JPH2: variants seen among roughly 807,000 people sequenced by gnomAD.
JPH2 encodes the protein junctophilin 2.
JPH2 carries 38 observed loss-of-function variants against 55.9 expected under a neutral mutation model. That is an observed-to-expected ratio of 0.68 (90% CI 0.52 to 0.89). The LOEUF (loss-of-function observed/expected upper bound fraction) is 0.89. Among genes scored for constraint, JPH2 ranks in the 40% least tolerant of loss-of-function variants. JPH2 has a pLI of 0.00. For missense variants in JPH2, 964 were observed against 1,037.6 expected (o/e 0.93, Z 0.97); for synonymous variants, 480 against 472.4 (o/e 1.02, Z -0.21).
chr20:44,160,295 C>A lies in JPH2; in HGVS notation c.492G>T (p.Ser164=). The A allele has an allele frequency of 6.5e-7, 1 of 1,543,368 alleles. No individual in the cohort carries two copies. The highest frequency in any genetic ancestry group is 8.7e-7 in the Non-Finnish European group (1 of 1,146,238). The change falls in exon 2 of 6, where the codon TCG becomes TCT. Residue 164 remains serine, a synonymous_variant. Coordinates refer to ENST00000372980, the MANE Select transcript of JPH2 (RefSeq NM_020433.5). The surrounding 1 kb of genome is among the most constrained non-coding windows in gnomAD (Gnocchi z 4.9). ...VVRSPLRTSL[S]SLRSEHSNGT... ...CGTTGCTGTGCTCGCTGCGCAGGGA[C>A]GACAGCGACGTGCGCAGCGGCGAGC...
At chr20:44,148,959 C>G (rs185901212) in intron 2 of JPH2, among the ~76,000 whole-genome samples, 1 of 151,972 alleles carries the variant, frequency 6.6e-6, no homozygotes, top group African/African-American at 2.4e-5. Flanking sequence ...CCCAGCTACT[C>G]GGGAGGCTGA....
At chr20:44,142,192 G>A (rs146783569) in intron 2 of JPH2, among the ~76,000 whole-genome samples, 385 of 152,246 alleles carry the variant, frequency 2.5e-3, no homozygotes, top group Non-Finnish European at 3.4e-3. Context: ...CAAGGCCCCC[G>A]AAGCCACCAC....
At chr20:44,139,631 A>G in intron 2 of JPH2, among the ~76,000 whole-genome samples, 1 of 152,244 alleles carries the variant, frequency 6.6e-6, no homozygotes, top group Admixed American at 6.5e-5. Flanking sequence ...AAAGAGAAGA[A>G]CAGGAATCTA....
intron 1 of JPH2, among the ~76,000 whole-genome samples, chr20:44,162,108 G>T (rs917369837): frequency 3.3e-5 from 5 of 152,094 alleles, no homozygotes; most frequent in Non-Finnish European, 7.3e-5. Context: ...AACGTTCACT[G>T]CACCGAAGGC....
At chr20:44,177,387 A>G (rs2072743146) in intron 1 of JPH2, 1 of 987,564 alleles carries the variant, frequency 1.0e-6, no homozygotes. Context: ...GGAAACAAGC[A>G]AGCTCGATGA....
rs1228982207 is a variant in JPH2 at position 44,160,316 on chromosome 20, C to T, written c.471G>A (p.Ser157=). The T allele has an allele frequency of 5.1e-6, 8 of 1,561,410 alleles. No individual in the cohort carries two copies. The South Asian group carries it at 5.9e-5, about 11-fold the overall frequency. The change falls in exon 2 of 6, where the codon TCG becomes TCA. Residue 157 remains serine (S), a synonymous_variant. Coordinates refer to ENST00000372980, the MANE Select transcript of JPH2 (RefSeq NM_020433.5). The surrounding 1 kb of genome is among the most constrained non-coding windows in gnomAD (Gnocchi z 4.9). ...GGGACGACAGCGACGTGCGCAGCGG[C>T]GAGCGCACCACCACGGCCATCCCGT... ...VPYGMAVVVR[S]PLRTSLSSLR... is the part of the protein sequence containing the mutation.
intron 1 of JPH2, among the ~76,000 whole-genome samples, chr20:44,173,878 A>C (rs1352931920): frequency 6.6e-6 from 1 of 152,154 alleles, no homozygotes; most frequent in Non-Finnish European, 1.5e-5. Flanking sequence ...GTACCACTGC[A>C]CTCCAGCCTG....
At position 44,172,398 on chromosome 20, in the gene JPH2, C is replaced by G. The variant is rs572034661; in HGVS notation, c.380-11991G>C. Among the ~76,000 whole-genome samples the G allele has an allele frequency of 5.9e-5, 9 of 152,300 alleles. No homozygotes were observed. The East Asian group carries it at 1.5e-3, about 26-fold the overall frequency. ...GTCAGTTTCCACTGTGTAAATACCCCCACCATGACTGCAAAGTTCCTGAGC... is the reference window on the plus strand; with the variant it reads ...GTCAGTTTCCACTGTGTAAATACCCGCACCATGACTGCAAAGTTCCTGAGC... On this transcript the variant is annotated intron_variant, in intron 1 of 5. Transcript: ENST00000372980.
chr20:44,172,992 A>T (rs186009352), intron 1 of JPH2, among the ~76,000 whole-genome samples: 127 of 152,346 alleles, frequency 8.3e-4, no homozygotes, highest in African/African-American at 3.0e-3. Context: ...CAGTAAAAAA[A>T]ATCGATATAA....
chr20:44,112,601 G>A lies in JPH2; in HGVS notation c.*917C>T, dbSNP rs1459631250. 1.3e-5 allele frequency: 2 copies of A among 152,206 alleles called. No homozygotes were observed. Among genetic ancestry groups the A allele is most frequent in the Non-Finnish European group, 2.9e-5 (2 of 68,086 alleles). The allele number at this position is 152,206 out of a possible 1,614,324, so 9.4% of individuals were successfully genotyped here. On this transcript the variant is annotated 3_prime_UTR_variant, in exon 6 of 6. Coordinates refer to ENST00000372980, the MANE Select transcript of JPH2 (RefSeq NM_020433.5). Reference sequence around the variant, plus strand: ...GCTTCTGTGCTCCCCTGAGCTTTCGGTGGGCCCTGATGGGGGAGGAGACAA... The same window carrying A: ...GCTTCTGTGCTCCCCTGAGCTTTCGATGGGCCCTGATGGGGGAGGAGACAA...
intron 1 of JPH2, chr20:44,178,069 C>T: frequency 1.3e-6 from 1 of 778,698 alleles, no homozygotes; most frequent in Non-Finnish European, 2.4e-6. Flanking sequence ...GAACCCAGAT[C>T]TGCCTACTCT....
Position 44,106,637 on chromosome 20 carries a change from G to A in JPH2, c.*6881C>T, listed in dbSNP as rs1375113685. Among the ~76,000 whole-genome samples, 4 of 152,146 alleles carry A rather than the reference G, an allele frequency of 2.6e-5. No individual in the cohort carries two copies. The highest frequency in any genetic ancestry group is 6.6e-5 in the Admixed American group (1 of 15,264). ...GGACTCACAGTTCCAAGTGGCTAGG[G>A]AAGCCTCACAATCATGGTGGAAGAC... On this transcript the variant is annotated 3_prime_UTR_variant, in exon 6 of 6. Coordinates refer to ENST00000372980, the MANE Select transcript of JPH2 (RefSeq NM_020433.5).
Position 44,159,356 on chromosome 20 carries a change from A to G in JPH2, c.1169+262T>C, listed in dbSNP as rs1055154011. Among the ~76,000 whole-genome samples, 1 of 151,762 alleles carries G rather than the reference A, an allele frequency of 6.6e-6. No homozygotes were observed. The highest frequency in any genetic ancestry group is 1.5e-5 in the Non-Finnish European group (1 of 67,940). On this transcript the variant is annotated intron_variant, in intron 2 of 5. Transcript: ENST00000372980. This position sits in a 1 kb window ranked among gnomAD's most constrained non-coding sequence, Gnocchi z 5.7. ...GGGAATGGAGTGGATGACTGGAGAG[A>G]TGGCTGTTCAGGTGGATATTAGAAA...
chr20:44,127,490 T>C (rs1227573868), intron 2 of JPH2, among the ~76,000 whole-genome samples: 1 of 150,842 alleles, frequency 6.6e-6, no homozygotes, highest in East Asian at 1.9e-4. Context: ...CATCCTTCTT[T>C]TTTTTTTTTT....
In JPH2 at chr20:44,160,386, G is replaced by A; in HGVS notation, c.401C>T (p.Thr134Ile). The change falls in exon 2 of 6, where the codon ACC (threonine) becomes ATC (isoleucine). Residue 134 changes from threonine to isoleucine, a missense_variant. Thr to Ile is a moderately conservative substitution (Grantham distance 89). Coordinates refer to ENST00000372980, the MANE Select transcript of JPH2 (RefSeq NM_020433.5). This position sits in a 1 kb window ranked among gnomAD's most constrained non-coding sequence, Gnocchi z 4.9. ...TCCGTAGCCATGGCGCATGCCGTTG[G>A]TGAACTGGCCTTGGTACGTCCCTGC... ...ADGGTYQGQF[T>I]NGMRHGYGVR... 1 of 1,609,088 alleles carries A rather than the reference G, an allele frequency of 6.2e-7. No individual in the cohort carries two copies. Among genetic ancestry groups the A allele is most frequent in the South Asian group, 1.1e-5 (1 of 90,118 alleles).
intron 2 of JPH2, among the ~76,000 whole-genome samples, chr20:44,133,694 A>G (rs940164053): frequency 1.8e-4 from 27 of 151,420 alleles, no homozygotes; most frequent in Admixed American, 4.0e-4. Flanking sequence ...CTGCCTATCA[A>G]GCAAGAAGAG....
intron 2 of JPH2, among the ~76,000 whole-genome samples, chr20:44,123,426 C>T (rs547997208): frequency 1.3e-5 from 2 of 152,342 alleles, no homozygotes; most frequent in South Asian, 4.1e-4. Context: ...CTACACACAG[C>T]GGCTCAGCGA....
Position 44,186,822 on chromosome 20 carries a change from C to T in JPH2, c.-117G>A, listed in dbSNP as rs73106262. 2.0e-6 allele frequency: 2 copies of T among 1,021,946 alleles called. No homozygotes were observed. The highest frequency in any genetic ancestry group is 2.9e-6 in the Non-Finnish European group (2 of 685,024). The allele number at this position is 1,021,946 out of a possible 1,614,324, so 63.3% of individuals were successfully genotyped here. ...GCAGGCCCCCAGACTCACCACTGCA[C>T]CCCAGGAGGGGGGAAGCAGGATGCC... On this transcript the variant is annotated 5_prime_UTR_variant, in exon 1 of 6. The change creates a new upstream start codon in the 5' untranslated region. Transcript: ENST00000372980.
intron 2 of JPH2, among the ~76,000 whole-genome samples, chr20:44,137,150 T>C (rs1053440494): frequency 6.6e-5 from 10 of 152,164 alleles, no homozygotes; most frequent in Non-Finnish European, 1.2e-4. Context: ...TATCACTACT[T>C]AGCGGATTTT....
Sources: allele counts gnomAD v4.1 joint callset (sites outside exome capture counted in the v4.1 genomes callset), GRCh38; gene constraint gnomAD v4.1.1; non-coding constraint Gnocchi (gnomAD v3.1); transcripts MANE v1.5; gene names NCBI Gene and HGNC (gene_info 2026-07-23, HGNC 2026-07-21).